Variants in SYT16 observed in about 807,000 individuals in gnomAD.
The protein encoded by SYT16 is synaptotagmin-16.
A neutral mutation model predicts 61.4 loss-of-function variants in SYT16; 42 were observed. The ratio of observed to expected loss-of-function variants is 0.68; its 90% CI spans 0.53 to 0.89. SYT16 has a LOEUF of 0.89. SYT16 is among the 40% of genes least tolerant of loss of function. SYT16 has a pLI of 0.00. For missense variants in SYT16, 804 were observed against 807.3 expected (o/e 1.00, Z 0.05); for synonymous variants, 314 against 302.3 (o/e 1.04, Z -0.40).
intron 1 of SYT16, among the ~76,000 whole-genome samples, chr14:61,890,538 GAACA>G (rs1271394160): frequency 2.0e-5 from 3 of 148,662 alleles, no homozygotes; most frequent in Non-Finnish European, 3.0e-5. Flanking sequence ...TACTTCTATA[GAACA>G]AACAATTTTT....
intron 1 of SYT16, among the ~76,000 whole-genome samples, chr14:61,936,261 T>G (rs11620735): frequency 0.034 from 5,243 of 152,104 alleles, 133 homozygotes; most frequent in Non-Finnish European, 0.057. Context: ...CTAGAGGAAG[T>G]TTTAGGGTTT....
At chr14:62,089,043 C>T (rs1323455680) in intron 7 of SYT16, among the ~76,000 whole-genome samples, 26 of 151,356 alleles carry the variant, frequency 1.7e-4, no homozygotes, top group Non-Finnish European at 1.5e-4. Flanking sequence ...ACTGGCTGGG[C>T]TTGGTGGCTC....
At chr14:61,875,965 T>G (rs1295948143) in intron 1 of SYT16, among the ~76,000 whole-genome samples, 1 of 152,168 alleles carries the variant, frequency 6.6e-6, no homozygotes, top group Non-Finnish European at 1.5e-5. Flanking sequence ...CCTTGTTAGG[T>G]TGGGGAATTT....
intron 1 of SYT16, among the ~76,000 whole-genome samples, chr14:61,925,191 G>T (rs190638684): frequency 4.6e-5 from 7 of 152,188 alleles, no homozygotes; most frequent in Admixed American, 2.6e-4. Context: ...AGATTCTGAC[G>T]GTAAGATGCT....
chr14:61,991,232 C>A (rs1330057710), intron 2 of SYT16, among the ~76,000 whole-genome samples: 2 of 151,884 alleles, frequency 1.3e-5, no homozygotes, highest in African/African-American at 4.8e-5. Flanking sequence ...TATCATGAAC[C>A]ATTTCAATTG....
chr14:62,056,930 C>T (rs2055585333), intron 3 of SYT16, among the ~76,000 whole-genome samples: 1 of 152,096 alleles, frequency 6.6e-6, no homozygotes, highest in Non-Finnish European at 1.5e-5. Flanking sequence ...GCAGGGGGCA[C>T]GGGATGCAGG....
chr14:61,941,335 GCTCATATATAAACCAGTAATAA>G (rs2050200884), intron 1 of SYT16, among the ~76,000 whole-genome samples: 1 of 152,164 alleles, frequency 6.6e-6, no homozygotes, highest in East Asian at 1.9e-4. Context: ...TCAGGCTTCA[GCTCATATATAAACCAGTAATAA>G]TTCAGATCTA....
chr14:61,893,860 G>T (rs2048225352), intron 1 of SYT16, among the ~76,000 whole-genome samples: 1 of 152,260 alleles, frequency 6.6e-6, no homozygotes, highest in Admixed American at 6.5e-5. Context: ...TGCATCTTCT[G>T]ATTCCGCATC....
chr14:62,062,436 A>G (rs1448573005), intron 3 of SYT16, among the ~76,000 whole-genome samples: 24 of 152,230 alleles, frequency 1.6e-4, no homozygotes, highest in Admixed American at 6.5e-5. Context: ...CTGATTGAAA[A>G]GGGTGCAGAG....
intron 7 of SYT16, among the ~76,000 whole-genome samples, chr14:62,092,485 C>T (rs182070862): frequency 1.8e-4 from 28 of 151,934 alleles, no homozygotes; most frequent in African/African-American, 3.6e-4. Flanking sequence ...CCTAAGTGTC[C>T]ATTGAGGGAT....
Position 61,938,345 on chromosome 14 carries a change from A to C in SYT16, c.-324-31787A>C, listed in dbSNP as rs377057382. Among the ~76,000 whole-genome samples the C allele has an allele frequency of 7.4e-4, 113 of 152,172 alleles. 3 individuals carry two copies. In the South Asian group the frequency reaches 0.023, roughly 31 times the overall value. ...GGCCTTCAAGGGCTTCACAAAGTAGAAAACAGCTGCCCAGCTTGCCAGATA... is the reference window on the plus strand; with the variant it reads ...GGCCTTCAAGGGCTTCACAAAGTAGCAAACAGCTGCCCAGCTTGCCAGATA... On this transcript the variant is annotated intron_variant, in intron 1 of 7. Coordinates refer to ENST00000683842, the MANE Select transcript of SYT16 (RefSeq NM_001367656.1).
rs527809548 is a variant in SYT16, at chr14:62,068,440, C to A, written c.524-1163C>A. ...GGGGCAGGGGGCAGGAGTAGGGATG[C>A]ATGTCAAAGTATACAAAGCGGATAT... is the stretch of plus-strand genomic sequence containing the variant. On this transcript the variant is annotated intron_variant, in intron 3 of 7. Coordinates refer to ENST00000683842, the MANE Select transcript of SYT16 (RefSeq NM_001367656.1). Among the ~76,000 whole-genome samples the A allele has an allele frequency of 3.3e-5, 5 of 152,072 alleles. No individual in the cohort carries two copies. In the East Asian group the frequency reaches 7.7e-4, roughly 23 times the overall value.
At chr14:61,858,139 A>G (rs202067503) in intron 1 of SYT16, among the ~76,000 whole-genome samples, 3 of 148,884 alleles carry the variant, frequency 2.0e-5, no homozygotes, top group South Asian at 2.2e-4. Flanking sequence ...AAAAAAAAAA[A>G]AAAAGAAAGA....
intron 5 of SYT16, among the ~76,000 whole-genome samples, chr14:62,078,172 A>ATATAAACACACAC (rs2056576554): frequency 7.8e-6 from 1 of 128,786 alleles, no homozygotes; most frequent in Admixed American, 7.8e-5. Context: ...TATATATATA[A>ATATAAACACACAC]ACACACACAC....
intron 3 of SYT16, among the ~76,000 whole-genome samples, chr14:62,042,218 G>A (rs1245581370): frequency 6.6e-6 from 1 of 151,900 alleles, no homozygotes; most frequent in Non-Finnish European, 1.5e-5. Flanking sequence ...GACCAGGCTG[G>A]TCTTGAACTC....
intron 1 of SYT16, among the ~76,000 whole-genome samples, chr14:61,870,316 T>C (rs966991786): frequency 1.3e-5 from 2 of 152,224 alleles, no homozygotes; most frequent in Admixed American, 6.5e-5. Context: ...GCATTGTTTC[T>C]GATGAGAAAT....
intron 1 of SYT16, among the ~76,000 whole-genome samples, chr14:61,937,926 A>G (rs1594956181): frequency 1.3e-5 from 2 of 152,012 alleles, no homozygotes; most frequent in Non-Finnish European, 2.9e-5. Context: ...TCAAAATGGC[A>G]TATGAGTGTC....
chr14:61,946,077 G>T (rs552866799), intron 1 of SYT16, among the ~76,000 whole-genome samples: 1 of 152,034 alleles, frequency 6.6e-6, no homozygotes, highest in Non-Finnish European at 1.5e-5. Flanking sequence ...GGGGCTGGAG[G>T]AGAGATAGCA....
At chr14:61,865,060 C>T (rs1304538367) in intron 1 of SYT16, 4 of 1,397,898 alleles carry the variant, frequency 2.9e-6, no homozygotes, top group African/African-American at 2.8e-5. Flanking sequence ...GCTGCAGGCT[C>T]GACTGTGCAG....
Sources: gnomAD v4.1 joint callset for allele counts (sites outside exome capture counted in the v4.1 genomes callset) on GRCh38, gnomAD v4.1.1 for gene constraint, MANE v1.5 for transcripts, NCBI Gene and HGNC (gene_info 2026-07-23, HGNC 2026-07-21) for gene names.